The following KIAA1217 variants were observed in gnomAD, a reference collection of about 807,000 sequenced individuals.
KIAA1217 encodes sickle tail protein homolog.
KIAA1217 carries 88 observed loss-of-function variants against 163.9 expected under a neutral mutation model. The ratio of observed to expected loss-of-function variants is 0.54; its 90% confidence interval spans 0.45 to 0.64. The LOEUF (loss-of-function observed/expected upper bound fraction) is 0.64. KIAA1217 is among the 30% of genes least tolerant of loss of function. The probability of loss-of-function intolerance (pLI) is 0.00; values close to 1 mark genes in which losing one functional copy is unlikely to be tolerated. For missense variants in KIAA1217, 2,372 were observed against 2,475.0 expected (o/e 0.96, Z 0.88); for synonymous variants, 903 against 923.1 (o/e 0.98, Z 0.39).
At chr10:24,502,073 G>C (rs894498284) in intron 9 of KIAA1217, among the ~76,000 whole-genome samples, 2 of 151,820 alleles carry the variant, frequency 1.3e-5, no homozygotes, top group Admixed American at 1.3e-4. Context: ...TAAGCTGTGC[G>C]TACTTTTACG....
intron 1 of KIAA1217, among the ~76,000 whole-genome samples, chr10:23,854,539 G>A (rs1209132473): frequency 3.3e-5 from 5 of 152,154 alleles, no homozygotes; most frequent in African/African-American, 1.2e-4. Flanking sequence ...TCCGCTTGGT[G>A]CAGAGCTGAG....
chr10:23,853,781 G>A (rs1839491995), intron 1 of KIAA1217, among the ~76,000 whole-genome samples: 1 of 152,154 alleles, frequency 6.6e-6, no homozygotes, highest in African/African-American at 2.4e-5. Flanking sequence ...ATTTCTTCTA[G>A]ATTTTTTAGT....
intron 2 of KIAA1217, among the ~76,000 whole-genome samples, chr10:24,066,895 G>A (rs544911975): frequency 5.3e-5 from 8 of 151,132 alleles, no homozygotes; most frequent in Non-Finnish European, 8.9e-5. Flanking sequence ...CATTCATTTT[G>A]TCTTCCATCA....
chr10:24,246,690 G>C (rs2073840028), intron 2 of KIAA1217, among the ~76,000 whole-genome samples: 1 of 152,034 alleles, frequency 6.6e-6, no homozygotes, highest in African/African-American at 2.4e-5. Context: ...TTTGGTTCTT[G>C]CTTTTCTAAA....
intron 1 of KIAA1217, among the ~76,000 whole-genome samples, chr10:23,844,841 C>T (rs1377821180): frequency 6.6e-6 from 1 of 151,956 alleles, no homozygotes; most frequent in African/African-American, 2.4e-5. Context: ...CTGCACCCAT[C>T]AACCCATCAT....
intron 2 of KIAA1217, among the ~76,000 whole-genome samples, chr10:24,176,416 C>A (rs896167245): frequency 6.6e-6 from 1 of 151,996 alleles, no homozygotes; most frequent in East Asian, 1.9e-4. Context: ...TAGCTAGACA[C>A]AGAGTGCTGA....
chr10:23,729,701 T>C (rs1454327775), intron 1 of KIAA1217, among the ~76,000 whole-genome samples: 1 of 152,230 alleles, frequency 6.6e-6, no homozygotes, highest in Non-Finnish European at 1.5e-5. Context: ...TTATCAGATA[T>C]GTCTTTTGCA....
chr10:23,790,704 C>T (rs865915985), intron 1 of KIAA1217, among the ~76,000 whole-genome samples: 20 of 125,374 alleles, frequency 1.6e-4, no homozygotes, highest in Middle Eastern at 8.1e-3. Context: ...TATACACACA[C>T]ATATATATAT....
At chr10:24,051,116 T>A (rs1010224779) in intron 2 of KIAA1217, among the ~76,000 whole-genome samples, 1 of 152,164 alleles carries the variant, frequency 6.6e-6, no homozygotes, top group African/African-American at 2.4e-5. Context: ...ATTATATCAT[T>A]CTTACGCCTT....
chr10:24,399,834 G>A (rs1489211944), intron 3 of KIAA1217, among the ~76,000 whole-genome samples: 1 of 152,112 alleles, frequency 6.6e-6, no homozygotes, highest in African/African-American at 2.4e-5. Context: ...AACACGTAGC[G>A]ACCCAGGATG....
chr10:24,262,393 CG>C, intron 2 of KIAA1217, among the ~76,000 whole-genome samples: 1 of 151,902 alleles, frequency 6.6e-6, no homozygotes, highest in Non-Finnish European at 1.5e-5. Flanking sequence ...TTTGGGAGGC[CG>C]AGGTGGGTGG....
chr10:24,387,580 AG>A (rs2054187363), intron 3 of KIAA1217, among the ~76,000 whole-genome samples: 1 of 152,220 alleles, frequency 6.6e-6, no homozygotes, highest in Non-Finnish European at 1.5e-5. Context: ...AAAGAAATAA[AG>A]GGTATTCAAT....
At chr10:23,810,021 C>G (rs1836920626) in intron 1 of KIAA1217, among the ~76,000 whole-genome samples, 1 of 151,874 alleles carries the variant, frequency 6.6e-6, no homozygotes, top group Non-Finnish European at 1.5e-5. Context: ...ATAAAATCAG[C>G]TTTATGTTAG....
chr10:23,734,285 CTT>C (rs145902051), intron 1 of KIAA1217, among the ~76,000 whole-genome samples: 31,586 of 143,554 alleles, frequency 0.22, 3,521 homozygotes, highest in Middle Eastern at 0.3. Flanking sequence ...AGATTTAAAC[CTT>C]TTTTTTTTTT....
chr10:24,510,735 G>T (rs993574981), intron 9 of KIAA1217, among the ~76,000 whole-genome samples: 1 of 152,120 alleles, frequency 6.6e-6, no homozygotes, highest in Non-Finnish European at 1.5e-5. Flanking sequence ...GCTGTGTGTG[G>T]TTAATCAACC....
At chr10:24,174,294 G>T (rs1033370731) in intron 2 of KIAA1217, among the ~76,000 whole-genome samples, 2 of 152,234 alleles carry the variant, frequency 1.3e-5, no homozygotes, top group Admixed American at 6.5e-5. Flanking sequence ...CACCTGGGCA[G>T]CTTGTCCTTC....
intron 2 of KIAA1217, among the ~76,000 whole-genome samples, chr10:24,026,906 C>A (rs532856624): frequency 6.6e-6 from 1 of 151,652 alleles, no homozygotes; most frequent in Non-Finnish European, 1.5e-5. Context: ...AATGCTATAA[C>A]CTTACCTTTA....
chr10:24,127,217 C>G (rs1223041354), intron 2 of KIAA1217, among the ~76,000 whole-genome samples: 2 of 152,082 alleles, frequency 1.3e-5, no homozygotes, highest in Admixed American at 1.3e-4. Context: ...ACTAATGTAA[C>G]CCTGAATGCC....
chr10:24,452,239 G>T (rs2061428714), intron 5 of KIAA1217, among the ~76,000 whole-genome samples: 1 of 152,076 alleles, frequency 6.6e-6, no homozygotes, highest in African/African-American at 2.4e-5. Context: ...CGCTTTTGAG[G>T]AACTAGAGCT....
Sources: gnomAD v4.1 joint callset for allele counts (sites outside exome capture counted in the v4.1 genomes callset) on GRCh38, gnomAD v4.1.1 for gene constraint, MANE v1.5 for transcripts, NCBI Gene and HGNC (gene_info 2026-07-23, HGNC 2026-07-21) for gene names.